SORCS1: variants seen among roughly 807,000 people sequenced by gnomAD.
The protein encoded by SORCS1 is sortilin related VPS10 domain containing receptor 1, also known as VPS10 domain-containing receptor SorCS1.
In SORCS1, 60 loss-of-function variants were observed where a neutral mutation model predicts 146.1. The ratio of observed to expected loss-of-function variants is 0.41; its 90% CI spans 0.33 to 0.51. SORCS1 has a LOEUF of 0.51. SORCS1 is among the 20% of genes least tolerant of loss of function. SORCS1 has a pLI of 0.21. For synonymous variants in SORCS1, 637 were observed against 584.0 expected (o/e 1.09, Z -1.31); for missense variants, 1,352 against 1,487.6 (o/e 0.91, Z 1.50).
chr10:106,969,682 G>C (rs1049960192), intron 1 of SORCS1, among the ~76,000 whole-genome samples: 4 of 152,184 alleles, frequency 2.6e-5, no homozygotes, highest in Non-Finnish European at 5.9e-5. Context: ...CTTAGAGATA[G>C]ACATACGTTT....
At chr10:106,730,978 G>C (rs1045749632) in intron 5 of SORCS1, among the ~76,000 whole-genome samples, 3 of 152,060 alleles carry the variant, frequency 2.0e-5, no homozygotes, top group Non-Finnish European at 4.4e-5. Flanking sequence ...ACTCAGCCCA[G>C]CCACTCAATC....
At chr10:107,178,349 T>G in the SORCS1 span, among the ~76,000 whole-genome samples, 1 of 152,074 alleles carries the variant, frequency 6.6e-6, no homozygotes, top group Non-Finnish European at 1.5e-5. Context: ...ATGAGATTAA[T>G]TTTTTAAGCT....
chr10:106,709,403 C>G (rs2756232), intron 6 of SORCS1, 62 bp from the exon 7 acceptor site: 887,498 of 992,100 alleles, frequency 0.89, 402,285 homozygotes, highest in Non-Finnish European at 0.94. Flanking sequence ...CAGAGATTTA[C>G]AGTCAGGGTG....
chr10:106,970,382 AGG>A (rs1400854594), intron 1 of SORCS1, among the ~76,000 whole-genome samples: 1 of 115,572 alleles, frequency 8.7e-6, no homozygotes, highest in African/African-American at 3.8e-5. Flanking sequence ...CTTGTCTCCC[AGG>A]CTGGAGTGCA....
chr10:106,577,769 G>C (rs140756419), intron 25 of SORCS1: 3 of 865,170 alleles, frequency 3.5e-6, no homozygotes, highest in Non-Finnish European at 4.8e-6. Flanking sequence ...TGAGTAGACA[G>C]GGTGAATGCT....
chr10:106,983,893 TTTAAG>T (rs1283755053), intron 1 of SORCS1, among the ~76,000 whole-genome samples: 1 of 152,230 alleles, frequency 6.6e-6, no homozygotes, highest in Non-Finnish European at 1.5e-5. Flanking sequence ...TCTTGTTACC[TTTAAG>T]TTGTCTAGGG....
chr10:106,933,510 A>C (rs1953527080), intron 2 of SORCS1, among the ~76,000 whole-genome samples: 1 of 152,228 alleles, frequency 6.6e-6, no homozygotes, highest in Non-Finnish European at 1.5e-5. Context: ...TTAAACAACT[A>C]GTTAATGAGT....
intron 3 of SORCS1, among the ~76,000 whole-genome samples, chr10:106,789,330 A>G (rs1367190926): frequency 6.6e-6 from 1 of 152,222 alleles, no homozygotes; most frequent in Non-Finnish European, 1.5e-5. Context: ...GCAAATTTCT[A>G]CAGGCAGCTT....
chr10:106,856,137 C>T (rs1386443768), intron 2 of SORCS1, among the ~76,000 whole-genome samples: 5 of 151,976 alleles, frequency 3.3e-5, no homozygotes, highest in Admixed American at 3.3e-4. Context: ...AGCTATTCTC[C>T]AGCCTCAGCC....
rs10658432 is a variant in SORCS1, at chr10:106,674,328, C to CAAAAAA, written c.1940+715_1940+720dup. 1.0e-3 allele frequency among the ~76,000 whole-genome samples: 28 copies of CAAAAAA among 27,376 alleles called. 10 individuals are homozygous for CAAAAAA. Among genetic ancestry groups the CAAAAAA allele is most frequent in the African/African-American group, 4.0e-3 (20 of 4,944 alleles). 18.0% of individuals were successfully genotyped at this position (27,376 alleles called of 152,430 possible). A position where few individuals can be genotyped will look rare whatever the true frequency, so the allele number is the denominator to read the frequency against. Reference sequence around the variant, plus strand: ...TGGGCGACAGAGTAAGACTCCGTCTCAAAAAAAAAAAAAAAAAAAAAAAAA... The same window carrying CAAAAAA: ...TGGGCGACAGAGTAAGACTCCGTCTCAAAAAAAAAAAAAAAAAAAAAAAAAAAAAAA... On this transcript the variant is annotated intron_variant, in intron 14 of 25. Coordinates refer to ENST00000263054, the MANE Select transcript of SORCS1 (RefSeq NM_052918.5).
At chr10:106,763,272 T>C (rs1269473686) in intron 4 of SORCS1, among the ~76,000 whole-genome samples, 2 of 152,278 alleles carry the variant, frequency 1.3e-5, no homozygotes, top group East Asian at 1.9e-4. Flanking sequence ...TTCATCTCTG[T>C]GAGGAATTGT....
intron 2 of SORCS1, among the ~76,000 whole-genome samples, chr10:106,941,846 A>G (rs979324727): frequency 1.3e-5 from 2 of 152,262 alleles, no homozygotes; most frequent in East Asian, 3.8e-4. Context: ...CAATGGTATC[A>G]CAGGGACTGC....
chr10:107,028,630 G>C (rs986730922), intron 1 of SORCS1, among the ~76,000 whole-genome samples: 7 of 152,126 alleles, frequency 4.6e-5, no homozygotes, highest in East Asian at 1.9e-4. Context: ...GGAGTAATGG[G>C]CTATATTGGT....
intron 3 of SORCS1, among the ~76,000 whole-genome samples, chr10:106,802,457 G>A (rs1946950193): frequency 6.6e-6 from 1 of 151,104 alleles, no homozygotes; most frequent in Admixed American, 6.6e-5. Flanking sequence ...TCAGCCTCCA[G>A]AGTAGCCAGG....
At chr10:106,771,582 TA>T (rs964233320) in intron 4 of SORCS1, among the ~76,000 whole-genome samples, 14 of 151,960 alleles carry the variant, frequency 9.2e-5, no homozygotes, top group Admixed American at 6.6e-4. Flanking sequence ...ATTATAGAAA[TA>T]AAAAAAGTAA....
chr10:106,699,227 A>G lies in SORCS1; in HGVS notation c.1400T>C (p.Ile467Thr). ...CTCGTGACATACCTCATAGAGGTCGATCATGATGTTGCCCTCAGGGCCTCT... is the reference window on the plus strand; with the variant it reads ...CTCGTGACATACCTCATAGAGGTCGGTCATGATGTTGCCCTCAGGGCCTCT... The part of the protein sequence containing the change: ...SSRGPEGNIM[I>T]DLYEVAGIKG... The change falls in exon 9 of 26, where the codon ATC becomes ACC. Residue 467 changes from isoleucine (I) to threonine (T), a missense_variant. Ile to Thr is a moderately conservative substitution (Grantham distance 89). This residue lies in a region of SORCS1 where 648 missense variants were observed against 793.8 expected (regional missense o/e 0.82). Transcript: ENST00000263054. The G allele has an allele frequency of 6.2e-7, 1 of 1,612,662 alleles. No individual in the cohort carries two copies. The highest frequency in any genetic ancestry group is 8.5e-7 in the Non-Finnish European group (1 of 1,179,196).
At position 106,730,384 on chromosome 10, in the gene SORCS1, T is replaced by C. The variant is rs80336366; in HGVS notation, c.960-270A>G. On this transcript the variant is annotated intron_variant, in intron 5 of 25. Coordinates refer to ENST00000263054, the MANE Select transcript of SORCS1 (RefSeq NM_052918.5). ...TTAGCTGGGACTTGCATACAGGTCC[T>C]ACGCATGTTGGGTGTGTACTCTTGC... is the stretch of plus-strand genomic sequence containing the variant. Among the ~76,000 whole-genome samples, 1,511 of 152,362 alleles carry C rather than the reference T, an allele frequency of 9.9e-3. 17 individuals are homozygous for C. The highest frequency in any genetic ancestry group is 0.026 in the African/African-American group (1,069 of 41,592).
intron 1 of SORCS1, among the ~76,000 whole-genome samples, chr10:107,091,408 T>C (rs1964170694): frequency 6.6e-6 from 1 of 152,234 alleles, no homozygotes; most frequent in African/African-American, 2.4e-5. Context: ...AATGTGGTCA[T>C]ATAAACAGGA....
chr10:107,155,346 G>C (rs1969192305), intron 1 of SORCS1, among the ~76,000 whole-genome samples: 1 of 152,158 alleles, frequency 6.6e-6, no homozygotes, highest in Non-Finnish European at 1.5e-5. Context: ...TTTCAAACTT[G>C]AGTGTTCCCA....
Sources: gnomAD v4.1 joint callset for allele counts (sites outside exome capture counted in the v4.1 genomes callset) on GRCh38, gnomAD v4.1.1 for gene constraint, gnomAD v4.1.1 regional missense constraint, MANE v1.5 for transcripts, NCBI Gene and HGNC (gene_info 2026-07-23, HGNC 2026-07-21) for gene names.